TMEM26: variants seen among roughly 807,000 people sequenced by gnomAD.
The protein encoded by TMEM26 is transmembrane protein 26.
A neutral mutation model predicts 28.8 loss-of-function variants in TMEM26; 38 were observed. That is an observed-to-expected ratio of 1.32 (90% confidence interval 1.02 to 1.73). The LOEUF (loss-of-function observed/expected upper bound fraction) is 1.73. Ranked by LOEUF, TMEM26 falls within the 40% of genes most tolerant of loss-of-function variation. The pLI is 0.00. For synonymous variants in TMEM26, 227 were observed against 182.9 expected (o/e 1.24, Z -1.95); for missense variants, 518 against 447.1 (o/e 1.16, Z -1.43).
At chr10:61,415,518 T>A (rs1264776846) in intron 4 of TMEM26, among the ~76,000 whole-genome samples, 2 of 152,060 alleles carry the variant, frequency 1.3e-5, no homozygotes, top group Admixed American at 1.3e-4. Context: ...CACACTTAAT[T>A]CTCACACCAG....
intron 4 of TMEM26, chr10:61,414,901 C>A (rs1254642755): frequency 1.2e-6 from 1 of 826,204 alleles, no homozygotes; most frequent in Admixed American, 6.2e-5. Context: ...CCCATAGTGT[C>A]CTCATTAACA....
intron 4 of TMEM26, among the ~76,000 whole-genome samples, chr10:61,425,411 A>G (rs1159255240): frequency 6.6e-6 from 1 of 152,182 alleles, no homozygotes. Context: ...CCTAGATATG[A>G]CACCAAAAAT....
intron 4 of TMEM26, among the ~76,000 whole-genome samples, chr10:61,422,375 T>C (rs1839763585): frequency 2.0e-5 from 3 of 152,022 alleles, no homozygotes; most frequent in South Asian, 2.1e-4. Context: ...CAAGTACACA[T>C]GCATCTCCAG....
At chr10:61,420,874 G>A (rs1322222909) in intron 4 of TMEM26, among the ~76,000 whole-genome samples, 1 of 151,816 alleles carries the variant, frequency 6.6e-6, no homozygotes, top group African/African-American at 2.4e-5. Flanking sequence ...AAATGTATGG[G>A]AAATTCAAAG....
rs1269271354 is a variant in TMEM26, at chr10:61,409,516, C to T, written c.*806G>A. The T allele has an allele frequency of 6.6e-6, 1 of 152,148 alleles. No homozygotes were observed. The highest frequency in any genetic ancestry group is 2.4e-5 in the African/African-American group (1 of 41,434). 9.4% of individuals were successfully genotyped at this position (152,148 alleles called of 1,614,324 possible). On this transcript the variant is annotated 3_prime_UTR_variant, in exon 6 of 6. Transcript: ENST00000399298. Reference sequence around the variant, plus strand: ...CATCAGCCCACATGATTCAACTTGGCAATATAGAAAATGGTAAAGCAGGGT... The same window carrying T: ...CATCAGCCCACATGATTCAACTTGGTAATATAGAAAATGGTAAAGCAGGGT...
chr10:61,452,890 C>G lies in TMEM26; in HGVS notation c.191+1G>C. ...CCCTCGCTTTCCCGGGGCACTCTCA[C>G]CATTTGTAGCCTCTGCCGCGCTTGA... On this transcript the variant is annotated splice_donor_variant, in intron 1 of 5. Transcript: ENST00000399298. LOFTEE classifies it high-confidence loss of function. 6.2e-7 allele frequency: 1 copy of G among 1,610,720 alleles called. No homozygotes were observed. The highest frequency in any genetic ancestry group is 1.7e-4 in the Middle Eastern group (1 of 6,052).
intron 4 of TMEM26, chr10:61,415,154 G>A (rs1839631000): frequency 1.0e-6 from 1 of 985,110 alleles, no homozygotes; most frequent in Non-Finnish European, 1.2e-6. Flanking sequence ...GTAACTGGAT[G>A]ACCTAGATTA....
In TMEM26 at chr10:61,410,572, A is replaced by G; in HGVS notation, c.857T>C (p.Leu286Pro). Reference sequence around the variant, plus strand: ...GAAGTTCTTCGCGGCAAAGAACACCAGCATCTGATTGATCACTTTGAAATA... The same window carrying G: ...GAAGTTCTTCGCGGCAAAGAACACCGGCATCTGATTGATCACTTTGAAATA... ...MTYFKVINQM[L>P]VFFAAKNFLV... The change falls in exon 6 of 6, where the codon CTG (leucine) becomes CCG (proline). Residue 286 changes from leucine to proline, a missense_variant. Leu to Pro is a moderately conservative substitution (Grantham distance 98). Transcript: ENST00000399298. 1 of 1,614,176 alleles carries G rather than the reference A, an allele frequency of 6.2e-7. No homozygotes were observed. Among genetic ancestry groups the G allele is most frequent in the Non-Finnish European group, 8.5e-7 (1 of 1,180,026 alleles).
chr10:61,415,716 G>T (rs960493915), intron 4 of TMEM26, among the ~76,000 whole-genome samples: 3 of 151,918 alleles, frequency 2.0e-5, no homozygotes, highest in Non-Finnish European at 4.4e-5. Context: ...GAAACTTTTA[G>T]GTCTGCTCTA....
At chr10:61,451,891 T>G (rs1179569111) in intron 1 of TMEM26, among the ~76,000 whole-genome samples, 1 of 152,154 alleles carries the variant, frequency 6.6e-6, no homozygotes, top group Non-Finnish European at 1.5e-5. Flanking sequence ...TCATTTTTTT[T>G]GAACACAATG....
Position 61,431,364 on chromosome 10 carries a change from C to T in TMEM26, c.271-32G>A, listed in dbSNP as rs921965792. The T allele has an allele frequency of 3.3e-6, 5 of 1,525,752 alleles. No homozygotes were observed. In the African/African-American group the frequency reaches 4.1e-5, roughly 13 times the overall value. The allele number at this position is 1,525,752 out of a possible 1,614,324, so 94.5% of individuals were successfully genotyped here. ...ATGGGGTCAGGGAAGGCAATTATGGCAAAAAATTAGCACAATATGGTAGAG... is the reference window on the plus strand; with the variant it reads ...ATGGGGTCAGGGAAGGCAATTATGGTAAAAAATTAGCACAATATGGTAGAG... On this transcript the variant is annotated intron_variant, in intron 2 of 5. Transcript: ENST00000399298.
rs540763444 is a variant in TMEM26, at chr10:61,431,189, T to C, written c.384+30A>G. On this transcript the variant is annotated intron_variant, in intron 3 of 5. Transcript: ENST00000399298. ...TATACCAAGTCCACCATTTTCTAGA[T>C]CCTTTAATAAACAGTGGAAAAGCTC... 4 of 1,558,548 alleles carry C rather than the reference T, an allele frequency of 2.6e-6. No individual in the cohort carries two copies. In the South Asian group the frequency reaches 4.5e-5, roughly 17 times the overall value.
chr10:61,412,724 T>A (rs1411292425), intron 5 of TMEM26, among the ~76,000 whole-genome samples: 1 of 152,172 alleles, frequency 6.6e-6, no homozygotes, highest in Non-Finnish European at 1.5e-5. Flanking sequence ...AACTGAGCAC[T>A]TGAAAGGTGG....
Position 61,428,976 on chromosome 10 carries a change from C to G in TMEM26, c.555G>C (p.Ala185=). 1 of 1,613,262 alleles carries G rather than the reference C, an allele frequency of 6.2e-7. No homozygotes were observed. Among genetic ancestry groups the G allele is most frequent in the Non-Finnish European group, 8.5e-7 (1 of 1,179,422 alleles). ...CACTTGTGAATTCCAGTATGTCAGC[C>G]GCTGTCCCCACAAACATAAGAAGAA... is the stretch of plus-strand genomic sequence containing the variant. ...SQLLLMFVGT[A]ADILEFTSET... The change falls in exon 4 of 6, where the codon GCG becomes GCC. Residue 185 remains alanine, a synonymous_variant. Transcript: ENST00000399298.
chr10:61,423,163 C>A (rs1337561996), intron 4 of TMEM26, among the ~76,000 whole-genome samples: 1 of 151,928 alleles, frequency 6.6e-6, no homozygotes, highest in Non-Finnish European at 1.5e-5. Context: ...AATAGAATAT[C>A]TAAATAGACC....
chr10:61,421,974 A>C (rs1839756678), intron 4 of TMEM26, among the ~76,000 whole-genome samples: 1 of 152,156 alleles, frequency 6.6e-6, no homozygotes, highest in Non-Finnish European at 1.5e-5. Flanking sequence ...AAGAATAAAA[A>C]AAGATATCTC....
chr10:61,439,292 A>G (rs991052589), intron 1 of TMEM26, among the ~76,000 whole-genome samples: 4 of 152,228 alleles, frequency 2.6e-5, no homozygotes, highest in African/African-American at 2.4e-5. Flanking sequence ...TGCAAGCTCC[A>G]TGAAGGAAGG....
At chr10:61,423,007 A>G (rs935432803) in intron 4 of TMEM26, among the ~76,000 whole-genome samples, 16 of 152,158 alleles carry the variant, frequency 1.1e-4, no homozygotes, top group Non-Finnish European at 1.6e-4. Flanking sequence ...CTCAAGAATG[A>G]AAAAGGAGGG....
intron 1 of TMEM26, among the ~76,000 whole-genome samples, chr10:61,441,670 A>G (rs888627747): frequency 1.3e-5 from 2 of 152,214 alleles, no homozygotes; most frequent in Non-Finnish European, 2.9e-5. Flanking sequence ...TTGGACTGAT[A>G]AAAGCTGATA....
Sources: gnomAD v4.1 joint callset for allele counts (sites outside exome capture counted in the v4.1 genomes callset) on GRCh38, gnomAD v4.1.1 for gene constraint, MANE v1.5 for transcripts, NCBI Gene and HGNC (gene_info 2026-07-23, HGNC 2026-07-21) for gene names.